SNF8: variants seen among roughly 807,000 people sequenced by gnomAD.
SNF8 encodes vacuolar-sorting protein SNF8.
A neutral mutation model predicts 36.8 loss-of-function variants in SNF8; 19 were observed. The observed-to-expected ratio is 0.52, with a 90% CI of 0.36 to 0.76. The LOEUF (loss-of-function observed/expected upper bound fraction) is 0.76, where lower values mean the gene tolerates loss of function less well. Ranked by LOEUF, SNF8 falls within the 30% of genes least tolerant of loss-of-function variation. The pLI, the probability that SNF8 is intolerant of heterozygous loss-of-function variation, is 0.00. For synonymous variants in SNF8, 127 were observed against 127.4 expected, an observed-to-expected ratio of 1.00 and a Z score of 0.02; for missense variants, 268 against 322.9, an observed-to-expected ratio of 0.83 and a Z score of 1.30.
intron 2 of SNF8, among the ~76,000 whole-genome samples, chr17:48,941,444 C>G (rs1210603830): frequency 6.6e-6 from 1 of 152,050 alleles, no homozygotes; most frequent in Non-Finnish European, 1.5e-5. Context: ...TGAAGATGTA[C>G]CTAATAATTC....
chr17:48,942,811 G>A (rs1376474017), intron 2 of SNF8, among the ~76,000 whole-genome samples: 1 of 145,932 alleles, frequency 6.9e-6, no homozygotes, highest in East Asian at 2.0e-4. Flanking sequence ...GCCTCCCAAA[G>A]TGCTGGGATT....
At chr17:48,941,601 C>G (rs1292012785) in intron 2 of SNF8, among the ~76,000 whole-genome samples, 1 of 152,112 alleles carries the variant, frequency 6.6e-6, no homozygotes, top group Non-Finnish European at 1.5e-5. Flanking sequence ...TGGTGGCTCA[C>G]ACCTGTAATC....
intron 7 of SNF8, among the ~76,000 whole-genome samples, chr17:48,931,198 C>T (rs923017028): frequency 3.9e-5 from 6 of 152,174 alleles, no homozygotes; most frequent in African/African-American, 1.4e-4. Context: ...GCTCCCTCTT[C>T]ACATCATTCA....
rs2040836314 is a variant in SNF8 at position 48,930,213 on chromosome 17, T to A, written c.*262A>T. 3.4e-6 allele frequency: 1 copy of A among 296,714 alleles called. No homozygotes were observed. The highest frequency in any genetic ancestry group is 2.2e-5 in the African/African-American group (1 of 46,488). 18.4% of individuals were successfully genotyped at this position (296,714 alleles called of 1,614,324 possible). On this transcript the variant is annotated 3_prime_UTR_variant, in exon 8 of 8. Transcript: ENST00000502492. The stretch of plus-strand genomic sequence containing the variant: ...CAACCCACATTCTAGGCCCAGCTCT[T>A]CCATGAACTTGCAGATGACCTACAA...
chr17:48,941,129 T>A, intron 2 of SNF8, 67 bp from the exon 3 acceptor site: 1 of 1,572,158 alleles, frequency 6.4e-7, no homozygotes, highest in Non-Finnish European at 8.7e-7. Flanking sequence ...CAAAAACAGG[T>A]CCCCAGCCCT....
chr17:48,931,576 T>C, intron 7 of SNF8, 67 bp downstream of exon 7: 1 of 1,309,432 alleles, frequency 7.6e-7, no homozygotes, highest in Non-Finnish European at 1.1e-6. Flanking sequence ...GTTCCTGCAT[T>C]TGTGGAACCC....
In SNF8 at chr17:48,944,818, G is replaced by GA; in HGVS notation, c.-85dup. On this transcript the variant is annotated 5_prime_UTR_variant, in exon 1 of 8. Coordinates refer to ENST00000502492, the MANE Select transcript of SNF8 (RefSeq NM_007241.4). ...ACTCCGCCGCCGGCTCCCCAAGGCGGAAGCCCGAGCCGCGCGTCATCTGCA... is the reference window on the plus strand; with the variant it reads ...ACTCCGCCGCCGGCTCCCCAAGGCGGAAAGCCCGAGCCGCGCGTCATCTGCA... The GA allele has an allele frequency of 7.0e-7, 1 of 1,420,688 alleles. No homozygotes were observed. Among genetic ancestry groups the GA allele is most frequent in the Non-Finnish European group, 9.1e-7 (1 of 1,098,672 alleles). The allele number at this position is 1,420,688 out of a possible 1,614,324, so 88.0% of individuals were successfully genotyped here.
chr17:48,930,723 A>G (rs996647556), intron 7 of SNF8, 111 bp from the exon 8 acceptor site: 102 of 1,147,350 alleles, frequency 8.9e-5, no homozygotes, highest in Non-Finnish European at 1.1e-4. Flanking sequence ...TTCAAACTAA[A>G]TCTACTAAGT....
chr17:48,930,644 G>A, intron 7 of SNF8, 32 bp from the exon 8 acceptor site: 2 of 1,605,766 alleles, frequency 1.2e-6, no homozygotes, highest in Non-Finnish European at 1.7e-6. Flanking sequence ...AGCAGTTTGA[G>A]AACAGGGAGG....
At chr17:48,936,847 C>T in intron 4 of SNF8, 173 bp downstream of exon 4, 1 of 649,630 alleles carries the variant, frequency 1.5e-6, no homozygotes, top group Non-Finnish European at 2.7e-6. Context: ...TCAGGTAATT[C>T]TATTTACCCT....
At chr17:48,933,613 C>T (rs554097863) in intron 5 of SNF8, 6 of 375,928 alleles carry the variant, frequency 1.6e-5, no homozygotes, top group South Asian at 1.3e-4. Flanking sequence ...TGGTGGCAAT[C>T]GCCTATAATC....
rs1455420117 is a variant in SNF8 at position 48,943,977 on chromosome 17, T to G, written c.55-2A>C. 6.2e-7 allele frequency: 1 copy of G among 1,613,728 alleles called. No individual in the cohort carries two copies. Among genetic ancestry groups the G allele is most frequent in the Admixed American group, 1.7e-5 (1 of 60,002 alleles). Reference sequence around the variant, plus strand: ...CGTCCCTCGCTCCTTATACTTGGCCTGTCAGACAAAGAGACCAGCATAAGT... The same window carrying G: ...CGTCCCTCGCTCCTTATACTTGGCCGGTCAGACAAAGAGACCAGCATAAGT... On this transcript the variant is annotated splice_acceptor_variant, in intron 1 of 7. Coordinates refer to ENST00000502492, the MANE Select transcript of SNF8 (RefSeq NM_007241.4). LOFTEE classifies it high-confidence loss of function.
chr17:48,934,178 G>A (rs1336452128), intron 5 of SNF8, among the ~76,000 whole-genome samples: 1 of 152,124 alleles, frequency 6.6e-6, no homozygotes, highest in African/African-American at 2.4e-5. Flanking sequence ...CAAACAGCCA[G>A]GGAAAGGGCA....
chr17:48,934,331 G>A (rs1463554166), intron 5 of SNF8: 3 of 149,210 alleles, frequency 2.0e-5, no homozygotes, highest in African/African-American at 7.4e-5. Flanking sequence ...TTTTTTTTTA[G>A]GAGATGAGGT....
chr17:48,929,738 C>A lies in SNF8; in HGVS notation c.*737G>T, dbSNP rs1242644329. The A allele has an allele frequency of 6.6e-6, 1 of 152,136 alleles. No homozygotes were observed. The highest frequency in any genetic ancestry group is 1.5e-5 in the Non-Finnish European group (1 of 68,040). 9.4% of individuals were successfully genotyped at this position (152,136 alleles called of 1,614,324 possible). A position where few individuals can be genotyped will look rare whatever the true frequency, so the allele number is the denominator to read the frequency against. On this transcript the variant is annotated 3_prime_UTR_variant, in exon 8 of 8. Coordinates refer to ENST00000502492, the MANE Select transcript of SNF8 (RefSeq NM_007241.4). The stretch of plus-strand genomic sequence containing the variant: ...TGGCAAATTACTTTGATTGAATCAC[C>A]TGTGATGTTGAAGGCTGCCTACTTG...
At chr17:48,936,539 G>A (rs140964841) in intron 4 of SNF8, 27 of 315,776 alleles carry the variant, frequency 8.6e-5, no homozygotes, top group African/African-American at 5.4e-4. Context: ...ATGATGATTT[G>A]TAAATGGTTT....
At chr17:48,931,360 C>T (rs1448315211) in intron 7 of SNF8, among the ~76,000 whole-genome samples, 2 of 152,210 alleles carry the variant, frequency 1.3e-5, no homozygotes, top group South Asian at 2.1e-4. Context: ...AATCTCCTGA[C>T]CAGCAACTCC....
chr17:48,930,986 C>T (rs1331693410), intron 7 of SNF8, among the ~76,000 whole-genome samples: 2 of 152,148 alleles, frequency 1.3e-5, no homozygotes, highest in Non-Finnish European at 2.9e-5. Context: ...TTAAGTTATT[C>T]CGGGTAGCAA....
chr17:48,934,219 C>A (rs914926682), intron 5 of SNF8, among the ~76,000 whole-genome samples: 1 of 152,158 alleles, frequency 6.6e-6, no homozygotes, highest in Non-Finnish European at 1.5e-5. Flanking sequence ...CATTCTCCAA[C>A]CCCCAAAGAA....
Sources: gnomAD v4.1 joint callset for allele counts (sites outside exome capture counted in the v4.1 genomes callset) on GRCh38, gnomAD v4.1.1 for gene constraint, MANE v1.5 for transcripts, NCBI Gene and HGNC (gene_info 2026-07-23, HGNC 2026-07-21) for gene names.